The following CTNND2 variants were observed in gnomAD, a reference collection of about 807,000 sequenced individuals.
CTNND2 encodes the protein catenin delta 2.
CTNND2 carries 22 observed loss-of-function variants against 144.4 expected under a neutral mutation model. The ratio of observed to expected loss-of-function variants is 0.15; its 90% CI spans 0.11 to 0.22. The LOEUF is 0.22. Ranked by LOEUF, CTNND2 falls within the 10% of genes least tolerant of loss-of-function variation. CTNND2 has a pLI of 1.00. For synonymous variants in CTNND2, 751 were observed against 695.6 expected (o/e 1.08, Z -1.25); for missense variants, 1,353 against 1,618.8 (o/e 0.84, Z 2.82).
At chr5:11,034,762 CT>C (rs200155134) in intron 16 of CTNND2, among the ~76,000 whole-genome samples, 50 of 144,684 alleles carry the variant, frequency 3.5e-4, no homozygotes, top group Admixed American at 1.1e-3. Flanking sequence ...TAGTTTTCTT[CT>C]TTTTTTTTTA....
At chr5:11,837,750 C>A (rs906558869) in intron 1 of CTNND2, among the ~76,000 whole-genome samples, 1 of 151,974 alleles carries the variant, frequency 6.6e-6, no homozygotes, top group East Asian at 1.9e-4. Flanking sequence ...TCGAAAAAAA[C>A]AAAGGTTTTT....
intron 1 of CTNND2, among the ~76,000 whole-genome samples, chr5:11,888,322 A>G (rs1325386914): frequency 6.6e-6 from 1 of 152,210 alleles, no homozygotes; most frequent in African/African-American, 2.4e-5. Context: ...GTTGACGAAG[A>G]TAAGAGTATT....
chr5:11,634,874 T>C (rs1237581610), intron 2 of CTNND2, among the ~76,000 whole-genome samples: 1 of 152,072 alleles, frequency 6.6e-6, no homozygotes, highest in Non-Finnish European at 1.5e-5. Context: ...ATAAGTCAAG[T>C]AGCTTCAGAA....
At chr5:11,736,498 G>A (rs1445253087) in intron 1 of CTNND2, among the ~76,000 whole-genome samples, 3 of 152,104 alleles carry the variant, frequency 2.0e-5, no homozygotes, top group Non-Finnish European at 4.4e-5. Context: ...TAACTATTGT[G>A]TCTGGACAGA....
intron 3 of CTNND2, among the ~76,000 whole-genome samples, chr5:11,445,636 G>C (rs1309926296): frequency 6.6e-6 from 1 of 152,178 alleles, no homozygotes; most frequent in East Asian, 1.9e-4. Flanking sequence ...CTGCATCCCA[G>C]TGAACCAGCA....
At chr5:11,282,752 G>A (rs1027846594) in intron 9 of CTNND2, among the ~76,000 whole-genome samples, 2 of 152,190 alleles carry the variant, frequency 1.3e-5, no homozygotes, top group Non-Finnish European at 2.9e-5. Context: ...AGAACAATAA[G>A]CCATGAGTAA....
At chr5:11,565,644 C>A (rs991129446) in intron 2 of CTNND2, among the ~76,000 whole-genome samples, 15 of 152,194 alleles carry the variant, frequency 9.9e-5, no homozygotes, top group Admixed American at 9.2e-4. Context: ...AAGTACATAA[C>A]CTTTGAGATA....
Position 11,063,822 on chromosome 5 carries a change from T to C in CTNND2, c.2788+18874A>G, listed in dbSNP as rs139121768. 6.1e-4 allele frequency among the ~76,000 whole-genome samples: 92 copies of C among 151,228 alleles called. 1 individual carries two copies. The East Asian group carries it at 0.015, about 25-fold the overall frequency. On this transcript the variant is annotated intron_variant, in intron 16 of 21. Transcript: ENST00000304623. ...GTGAGGGGGGTGGGGTTGGGGGGCA[T>C]AGCTTTCCAAAAGTCTTTTAGAGAG...
chr5:11,783,412 C>A (rs1790653178), intron 1 of CTNND2, among the ~76,000 whole-genome samples: 1 of 152,096 alleles, frequency 6.6e-6, no homozygotes, highest in Non-Finnish European at 1.5e-5. Flanking sequence ...TGCCTCTCCA[C>A]TGGCCCTCTT....
At chr5:11,668,207 A>G (rs1185216097) in intron 2 of CTNND2, among the ~76,000 whole-genome samples, 1 of 152,132 alleles carries the variant, frequency 6.6e-6, no homozygotes, top group East Asian at 1.9e-4. Context: ...ATGATGCCCT[A>G]GCTTTGTTCT....
intron 2 of CTNND2, among the ~76,000 whole-genome samples, chr5:11,582,641 C>T (rs555526273): frequency 2.6e-5 from 4 of 152,134 alleles, no homozygotes; most frequent in Admixed American, 2.6e-4. Context: ...ATAACACCAA[C>T]ACATCATCAA....
At chr5:11,089,059 G>A (rs1324306713) in intron 15 of CTNND2, among the ~76,000 whole-genome samples, 1 of 152,180 alleles carries the variant, frequency 6.6e-6, no homozygotes, top group Non-Finnish European at 1.5e-5. Context: ...GCTTCCTGCT[G>A]GTGGATAGTG....
intron 21 of CTNND2, among the ~76,000 whole-genome samples, chr5:10,977,385 AT>A (rs1197220735): frequency 6.6e-6 from 1 of 152,016 alleles, no homozygotes; most frequent in African/African-American, 2.4e-5. Flanking sequence ...TCAACATGAT[AT>A]TTCTCTTTGT....
chr5:11,836,328 A>G (rs1488698169), intron 1 of CTNND2, among the ~76,000 whole-genome samples: 1 of 152,224 alleles, frequency 6.6e-6, no homozygotes, highest in East Asian at 1.9e-4. Context: ...TGTGGAGAAT[A>G]TGCTTATCTG....
At chr5:11,186,398 C>A (rs1398379476) in intron 11 of CTNND2, among the ~76,000 whole-genome samples, 1 of 152,198 alleles carries the variant, frequency 6.6e-6, no homozygotes. Flanking sequence ...GAGGGGGATA[C>A]AGGAAATTTC....
At chr5:11,618,551 G>A (rs1174598618) in intron 2 of CTNND2, among the ~76,000 whole-genome samples, 1 of 152,138 alleles carries the variant, frequency 6.6e-6, no homozygotes, top group African/African-American at 2.4e-5. Context: ...ACAGGTGCAT[G>A]CACATATATC....
intron 12 of CTNND2, among the ~76,000 whole-genome samples, chr5:11,119,679 A>T (rs1055402085): frequency 3.5e-4 from 53 of 152,362 alleles, no homozygotes; most frequent in African/African-American, 1.3e-3. Flanking sequence ...TTTGTCAAAG[A>T]TTCTGAATCA....
At chr5:11,529,890 C>T (rs1773583074) in intron 3 of CTNND2, among the ~76,000 whole-genome samples, 1 of 151,738 alleles carries the variant, frequency 6.6e-6, no homozygotes, top group Non-Finnish European at 1.5e-5. Context: ...TATCAAAATC[C>T]TTTTGTACTG....
At chr5:11,568,396 A>C (rs549218770) in intron 2 of CTNND2, among the ~76,000 whole-genome samples, 1 of 152,220 alleles carries the variant, frequency 6.6e-6, no homozygotes, top group African/African-American at 2.4e-5. Flanking sequence ...CCTTACCCCA[A>C]GCCAAGGGTC....
Sources: gnomAD v4.1 joint callset for allele counts (sites outside exome capture counted in the v4.1 genomes callset) on GRCh38, gnomAD v4.1.1 for gene constraint, MANE v1.5 for transcripts, NCBI Gene and HGNC (gene_info 2026-07-23, HGNC 2026-07-21) for gene names.